The following APBB1 variants were observed in gnomAD, a reference collection of about 807,000 sequenced individuals.
APBB1 encodes amyloid beta precursor protein binding family B member 1, also known as adaptor protein FE65a2.
A neutral mutation model predicts 78.4 loss-of-function variants in APBB1; 22 were observed. The ratio of observed to expected loss-of-function variants is 0.28; its 90% CI spans 0.20 to 0.40. The LOEUF (loss-of-function observed/expected upper bound fraction) is 0.40. Ranked by LOEUF, APBB1 falls within the 10% of genes least tolerant of loss-of-function variation. The pLI, the probability that APBB1 is intolerant of heterozygous loss-of-function variation, is 1.00. For synonymous variants in APBB1, 369 were observed against 372.7 expected (o/e 0.99, Z 0.12); for missense variants, 749 against 932.4 (o/e 0.80, Z 2.56).
chr11:6,400,260 G>A (rs1254841846), intron 12 of APBB1, among the ~76,000 whole-genome samples: 2 of 152,194 alleles, frequency 1.3e-5, no homozygotes, highest in Non-Finnish European at 1.5e-5. Flanking sequence ...ACCAGATCAG[G>A]CCAGGCACAG....
chr11:6,416,940 C>T lies in APBB1; in HGVS notation c.-15+2045G>A, dbSNP rs1388451130. On this transcript the variant is annotated intron_variant, in intron 1 of 14. Coordinates refer to ENST00000609360, the MANE Select transcript of APBB1 (RefSeq NM_001164.5). ...TGTACTTTTAGTAGAGATGGGGTTT[C>T]GCCATGTTGGCCAGGCCGGTCCTGA... Among the ~76,000 whole-genome samples, 3 of 152,250 alleles carry T rather than the reference C, an allele frequency of 2.0e-5. No individual in the cohort carries two copies. The East Asian group carries it at 5.8e-4, about 29-fold the overall frequency.
chr11:6,400,184 G>A (rs1848429238), intron 12 of APBB1, among the ~76,000 whole-genome samples: 1 of 152,156 alleles, frequency 6.6e-6, no homozygotes, highest in African/African-American at 2.4e-5. Context: ...AAGCTTCAAA[G>A]GTATTTGTTA....
rs749454075 is a variant in APBB1 at position 6,410,752 on chromosome 11, G to T, written c.596C>A (p.Pro199His). 1 of 1,583,106 alleles carries T rather than the reference G, an allele frequency of 6.3e-7. No homozygotes were observed. The highest frequency in any genetic ancestry group is 1.2e-5 in the South Asian group (1 of 85,780). Residue 199 changes from proline (P) to histidine (H), a missense_variant, in exon 2 of 15, where the codon CCC becomes CAC. Physicochemically the swap from Pro to His is moderately conservative, Grantham distance 77. This residue lies in a region of APBB1 where 635 missense variants were observed against 765.0 expected (regional missense o/e 0.83). Transcript: ENST00000609360. ...PPRPQALTDG[P>H]REHSKSASLL... ...GCTGGCACTCTTGCTGTGTTCCCGG[G>T]GGCCATCTGTAAGGGCTTGGGGCCT... is the stretch of plus-strand genomic sequence containing the variant.
rs966490839 is a variant in APBB1 at position 6,396,298 on chromosome 11, C to G, written c.1673-83G>C. ...CCCTGGACCTCTAGTTCCACCCAAT[C>G]AAACCCAGGGCCTTTGCCCCATCCC... On this transcript the variant is annotated intron_variant, in intron 12 of 14. Coordinates refer to ENST00000609360, the MANE Select transcript of APBB1 (RefSeq NM_001164.5). 3 of 1,236,664 alleles carry G rather than the reference C, an allele frequency of 2.4e-6. No homozygotes were observed. In the African/African-American group the frequency reaches 4.6e-5, roughly 19 times the overall value. 76.6% of individuals were successfully genotyped at this position (1,236,664 alleles called of 1,614,324 possible).
chr11:6,410,890 G>A lies in APBB1; in HGVS notation c.458C>T (p.Ala153Val), dbSNP rs750546947. Residue 153 changes from alanine to valine, a missense_variant, in exon 2 of 15, where the codon GCG becomes GTG. Around this residue, in one of 3 missense-constraint regions of APBB1, gnomAD observed 635 missense variants for 765.0 expected, o/e 0.83. Transcript: ENST00000609360. ...CTCCTCCTCCTCGGCCTCCCCGGCC[G>A]CCTTCTCCTCTCCCTCATCTGGCCC... ...EQGPDEGEEKAAGEAEEEEED... is the reference protein window; with the variant it reads ...EQGPDEGEEKVAGEAEEEEED... 5.6e-6 allele frequency: 9 copies of A among 1,614,008 alleles called. No individual in the cohort carries two copies. The highest frequency in any genetic ancestry group is 1.7e-4 in the Middle Eastern group (1 of 6,056).
chr11:6,416,811 G>T (rs778904588), intron 1 of APBB1, among the ~76,000 whole-genome samples: 2 of 151,162 alleles, frequency 1.3e-5, no homozygotes, highest in Non-Finnish European at 2.9e-5. Context: ...GCAAGATCTC[G>T]GCTTACTGCA....
chr11:6,395,917 G>A lies in APBB1; in HGVS notation c.1834C>T (p.Leu612=). ...GECRVRFLSF[L]AVGRDVHTFA... ...GTGTGGACATCTCTGCCCACGGCCA[G>A]GAAGGAGAGGAAACGCACCCGACAC... Residue 612 remains leucine, a synonymous_variant, in exon 14 of 15, where the codon CTG becomes TTG. Coordinates refer to ENST00000609360, the MANE Select transcript of APBB1 (RefSeq NM_001164.5). This position sits in a 1 kb window ranked among gnomAD's most constrained non-coding sequence, Gnocchi z 5.2. 1 of 1,614,000 alleles carries A rather than the reference G, an allele frequency of 6.2e-7. No homozygotes were observed.
At position 6,411,351 on chromosome 11, in the gene APBB1, C is replaced by A; in HGVS notation, c.-4G>T. 6.5e-7 allele frequency: 1 copy of A among 1,531,048 alleles called. No homozygotes were observed. Among genetic ancestry groups the A allele is most frequent in the East Asian group, 2.3e-5 (1 of 44,188 alleles). The allele number at this position is 1,531,048 out of a possible 1,614,324, so 94.8% of individuals were successfully genotyped here. A position where few individuals can be genotyped will look rare whatever the true frequency, so the allele number is the denominator to read the frequency against. On this transcript the variant is annotated 5_prime_UTR_variant, in exon 2 of 15. It adds an upstream start codon to the 5' untranslated region. Transcript: ENST00000609360. The surrounding 1 kb of genome is among the most constrained non-coding windows in gnomAD (Gnocchi z 5.2). ...TCAGTGATGATGGAACAGACATGGC[C>A]TTGGCAGCTCCTGTGGGGTGCGGAG...
At chr11:6,399,398 G>T (rs1287359409) in intron 12 of APBB1, among the ~76,000 whole-genome samples, 1 of 152,176 alleles carries the variant, frequency 6.6e-6, no homozygotes, top group African/African-American at 2.4e-5. Context: ...TCAAGCATCT[G>T]CCACCTTGAA....
In APBB1 at chr11:6,395,930, A is replaced by G; in HGVS notation, c.1821T>C (p.Arg607=). ...TGCCCACGGCCAGGAAGGAGAGGAA[A>G]CGCACCCGACACTCTCCCAGCACTG... ...TEAVLGECRV[R]FLSFLAVGRD... Residue 607 remains arginine (R), a synonymous_variant, in exon 14 of 15, where the codon CGT becomes CGC. Transcript: ENST00000609360. This position sits in a 1 kb window ranked among gnomAD's most constrained non-coding sequence, Gnocchi z 5.2. The G allele has an allele frequency of 6.2e-7, 1 of 1,613,686 alleles. No homozygotes were observed.
Position 6,402,469 on chromosome 11 carries a change from A to C in APBB1, c.1254+107T>G, listed in dbSNP as rs1272192556. 18 of 1,319,370 alleles carry C rather than the reference A, an allele frequency of 1.4e-5. 1 individual carries two copies. In the South Asian group the frequency reaches 2.3e-4, roughly 17 times the overall value. 81.7% of individuals were successfully genotyped at this position (1,319,370 alleles called of 1,614,324 possible). The stretch of plus-strand genomic sequence containing the variant: ...CAGGGCTGCCACTTAGGATGGGCCA[A>C]TATCCCCCTTCCCCAGCCTGCTTGT... On this transcript the variant is annotated intron_variant, in intron 7 of 14. Transcript: ENST00000609360.
chr11:6,417,774 A>G (rs1050514612), intron 1 of APBB1, among the ~76,000 whole-genome samples: 2 of 152,256 alleles, frequency 1.3e-5, no homozygotes, highest in Non-Finnish European at 2.9e-5. Context: ...AGAGTGAGAG[A>G]GGGGTTAATC....
chr11:6,402,542 A>G, intron 7 of APBB1, 34 bp downstream of exon 7: 1 of 1,603,656 alleles, frequency 6.2e-7, no homozygotes, highest in Non-Finnish European at 8.5e-7. Context: ...ACACTCTCAC[A>G]GTACCACCCC....
rs946662389 is a variant in APBB1 at position 6,411,421 on chromosome 11, C to T, written c.-14-60G>A. The T allele has an allele frequency of 4.2e-6, 6 of 1,445,528 alleles. No homozygotes were observed. The highest frequency in any genetic ancestry group is 5.6e-6 in the Non-Finnish European group (6 of 1,078,146). 89.5% of individuals were successfully genotyped at this position (1,445,528 alleles called of 1,614,324 possible). On this transcript the variant is annotated intron_variant, in intron 1 of 14. Transcript: ENST00000609360. The surrounding 1 kb of genome is among the most constrained non-coding windows in gnomAD (Gnocchi z 5.2). Reference sequence around the variant, plus strand: ...CTGGTCCAGAACAGCAGCATCACTGCTTCTGCCCCAGGGCTATGCCCTGTG... The same window carrying T: ...CTGGTCCAGAACAGCAGCATCACTGTTTCTGCCCCAGGGCTATGCCCTGTG...
At chr11:6,398,409 A>G (rs1848336501) in intron 12 of APBB1, among the ~76,000 whole-genome samples, 1 of 152,238 alleles carries the variant, frequency 6.6e-6, no homozygotes, top group African/African-American at 2.4e-5. Flanking sequence ...CACTTGTTAA[A>G]TAAATGAATA....
At chr11:6,415,247 G>T (rs1849090383) in intron 1 of APBB1, among the ~76,000 whole-genome samples, 1 of 152,208 alleles carries the variant, frequency 6.6e-6, no homozygotes, top group African/African-American at 2.4e-5. Flanking sequence ...GGCAGGAAGT[G>T]AAAGAAGTAG....
intron 2 of APBB1, among the ~76,000 whole-genome samples, chr11:6,407,147 C>T (rs918801213): frequency 6.6e-6 from 1 of 152,216 alleles, no homozygotes; most frequent in African/African-American, 2.4e-5. Context: ...CACAAACCTT[C>T]TCTGCAGCCC....
chr11:6,401,159 C>T lies in APBB1; in HGVS notation c.1589-87G>A. 6.2e-7 allele frequency: 1 copy of T among 1,613,350 alleles called. No individual in the cohort carries two copies. Among genetic ancestry groups the T allele is most frequent in the African/African-American group, 1.3e-5 (1 of 75,010 alleles). ...GCAGGGCATAAGCTGGACACTTGCCCAGCCGAGGCCCTACTTTCATCTCGT... is the reference window on the plus strand; with the variant it reads ...GCAGGGCATAAGCTGGACACTTGCCTAGCCGAGGCCCTACTTTCATCTCGT... On this transcript the variant is annotated intron_variant, in intron 11 of 14. Coordinates refer to ENST00000609360, the MANE Select transcript of APBB1 (RefSeq NM_001164.5). The surrounding 1 kb of genome is among the most constrained non-coding windows in gnomAD (Gnocchi z 4.5).
chr11:6,404,103 T>C (rs1318910824), intron 2 of APBB1: 1 of 409,968 alleles, frequency 2.4e-6, no homozygotes, highest in Admixed American at 4.0e-5. Flanking sequence ...AAGGGAGCAA[T>C]GAATGTTGGG....
Sources: gnomAD v4.1 joint callset for allele counts (sites outside exome capture counted in the v4.1 genomes callset) on GRCh38, gnomAD v4.1.1 for gene constraint, gnomAD v4.1.1 regional missense constraint, Gnocchi (gnomAD v3.1) non-coding constraint, MANE v1.5 for transcripts, NCBI Gene and HGNC (gene_info 2026-07-23, HGNC 2026-07-21) for gene names.